The following ATXN7L1 variants were observed in gnomAD, a reference collection of about 807,000 sequenced individuals.
ATXN7L1 encodes ataxin-7-like protein 1.
Under a neutral mutation model 70.8 loss-of-function variants are expected in ATXN7L1, and 15 were observed. The observed-to-expected ratio is 0.21, with a 90% confidence interval of 0.14 to 0.33. ATXN7L1 has a LOEUF of 0.33. Ranked by LOEUF, ATXN7L1 falls within the 10% of genes least tolerant of loss-of-function variation. ATXN7L1 has a pLI of 1.00. For missense variants in ATXN7L1, 975 were observed against 1,097.1 expected, an observed-to-expected ratio of 0.89 and a Z score of 1.57; for synonymous variants, 440 against 445.1, an observed-to-expected ratio of 0.99 and a Z score of 0.14.
chr7:105,848,503 C>T (rs1278960013), intron 2 of ATXN7L1, among the ~76,000 whole-genome samples: 2 of 150,286 alleles, frequency 1.3e-5, no homozygotes, highest in East Asian at 3.9e-4. Flanking sequence ...TATCCAATGA[C>T]AGGGAATTAG....
intron 7 of ATXN7L1, among the ~76,000 whole-genome samples, chr7:105,627,535 CTT>C (rs75673147): frequency 6.0e-5 from 8 of 134,304 alleles, no homozygotes; most frequent in Non-Finnish European, 7.9e-5. Context: ...TGTGCTAGGC[CTT>C]TTTTTTTTTT....
At chr7:105,767,596 C>T (rs577792820) in intron 3 of ATXN7L1, among the ~76,000 whole-genome samples, 2 of 152,260 alleles carry the variant, frequency 1.3e-5, no homozygotes, top group African/African-American at 4.8e-5. Flanking sequence ...TGTTGCAGTC[C>T]TATTTACTTA....
rs1801793598 is a variant in ATXN7L1 at position 105,662,096 on chromosome 7, CTTTTCTTTTCTTTTT to C, written c.578+2955_578+2969del. ...CTTCCTTCCTTCTTTCTTTTCTTTTCTTTTCTTTTCTTTTTTTTTTTTTTAAGCCAGAGTCTTGCC... is the reference window on the plus strand; with the variant it reads ...CTTCCTTCCTTCTTTCTTTTCTTTTCTTTTTTTTTAAGCCAGAGTCTTGCC... On this transcript the variant is annotated intron_variant, in intron 4 of 11. Coordinates refer to ENST00000419735, the MANE Select transcript of ATXN7L1 (RefSeq NM_020725.2). 2.6e-5 allele frequency among the ~76,000 whole-genome samples: 3 copies of C among 114,970 alleles called. 1 individual carries two copies. Among genetic ancestry groups the C allele is most frequent in the African/African-American group, 9.7e-5 (3 of 31,050 alleles). The allele number at this position is 114,970 out of a possible 152,430, so 75.4% of individuals were successfully genotyped here. A position where few individuals can be genotyped will look rare whatever the true frequency, so the allele number is the denominator to read the frequency against.
chr7:105,706,814 C>G (rs1793237450), intron 3 of ATXN7L1, among the ~76,000 whole-genome samples: 1 of 152,236 alleles, frequency 6.6e-6, no homozygotes, highest in South Asian at 2.1e-4. Flanking sequence ...CAATTCCCAG[C>G]ATAGCCTGAC....
chr7:105,784,369 A>G (rs968176586), intron 3 of ATXN7L1, among the ~76,000 whole-genome samples: 3 of 152,134 alleles, frequency 2.0e-5, no homozygotes, highest in African/African-American at 7.2e-5. Flanking sequence ...TGGTATCAGA[A>G]ATGTTGAGTA....
chr7:105,824,921 C>CA (rs202077099), intron 2 of ATXN7L1, among the ~76,000 whole-genome samples: 8,619 of 95,200 alleles, frequency 0.091, 472 homozygotes, highest in East Asian at 0.32. Context: ...GATTCCGTCT[C>CA]AAAAAAAAAA....
chr7:105,792,298 G>C (rs868434612), intron 2 of ATXN7L1, among the ~76,000 whole-genome samples: 4 of 152,334 alleles, frequency 2.6e-5, no homozygotes, highest in African/African-American at 9.6e-5. Context: ...GAGAGGACCT[G>C]GGAATCTGCT....
rs951495139 is a variant in ATXN7L1 at position 105,631,572 on chromosome 7, T to G, written c.1202+6781A>C. On this transcript the variant is annotated intron_variant, in intron 7 of 11. Transcript: ENST00000419735. ...ATCTTTGCCTCCTGGGTTCAAGCAA[T>G]TCTCCTGCCTCAGCCTACTGAGTAG... Among the ~76,000 whole-genome samples, 4 of 152,332 alleles carry G rather than the reference T, an allele frequency of 2.6e-5. No individual in the cohort carries two copies. The East Asian group carries it at 7.7e-4, about 29-fold the overall frequency.
At chr7:105,702,561 CACAGACACACAT>C (rs1563019211) in intron 3 of ATXN7L1, among the ~76,000 whole-genome samples, 26 of 150,728 alleles carry the variant, frequency 1.7e-4, no homozygotes, top group African/African-American at 6.5e-4. Context: ...CACACACACA[CACAGACACACAT>C]ACACACACAC....
At chr7:105,817,154 C>G (rs769963047) in intron 2 of ATXN7L1, among the ~76,000 whole-genome samples, 4 of 152,128 alleles carry the variant, frequency 2.6e-5, no homozygotes, top group African/African-American at 7.2e-5. Context: ...TTTAGAGTCC[C>G]TAATGAGGGC....
At chr7:105,871,413 C>T (rs915922454) in intron 2 of ATXN7L1, among the ~76,000 whole-genome samples, 2 of 152,162 alleles carry the variant, frequency 1.3e-5, no homozygotes, top group Non-Finnish European at 2.9e-5. Flanking sequence ...GTGATGACAA[C>T]ATTCAAAAGT....
At chr7:105,870,281 CAAAAA>C (rs11324410) in intron 2 of ATXN7L1, among the ~76,000 whole-genome samples, 1 of 125,326 alleles carries the variant, frequency 8.0e-6, no homozygotes, top group Non-Finnish European at 1.7e-5. Context: ...GACTCCATTT[CAAAAA>C]AAAAAAAAAA....
chr7:105,784,159 C>T (rs1584995735), intron 3 of ATXN7L1, among the ~76,000 whole-genome samples: 3 of 152,158 alleles, frequency 2.0e-5, no homozygotes, highest in Admixed American at 6.6e-5. Flanking sequence ...GATGTGGTTT[C>T]ACCATGTTCC....
intron 2 of ATXN7L1, among the ~76,000 whole-genome samples, chr7:105,803,954 C>T (rs1458438985): frequency 6.6e-6 from 1 of 152,138 alleles, no homozygotes; most frequent in African/African-American, 2.4e-5. Flanking sequence ...GAACCCTCCA[C>T]AGGTAAGGGA....
intron 2 of ATXN7L1, among the ~76,000 whole-genome samples, chr7:105,789,281 C>T (rs1804777144): frequency 6.6e-6 from 1 of 152,162 alleles, no homozygotes; most frequent in Non-Finnish European, 1.5e-5. Context: ...TTACTGAGTG[C>T]CTGAATGTGC....
rs150834969 is a variant in ATXN7L1 at position 105,609,790 on chromosome 7, GA to G, written c.2547+738del. ...GTCCCTTTTTTACAATTTTTTTCTT[GA>G]GACACAGTCTCACTCTGTCACCCAG... On this transcript the variant is annotated intron_variant, in intron 11 of 11. Transcript: ENST00000419735. Among the ~76,000 whole-genome samples the G allele has an allele frequency of 5.8e-3, 867 of 150,600 alleles. 6 individuals carry two copies. The highest frequency in any genetic ancestry group is 0.019 in the African/African-American group (771 of 40,914).
intron 2 of ATXN7L1, among the ~76,000 whole-genome samples, chr7:105,791,105 G>C (rs1805163814): frequency 3.3e-5 from 5 of 152,244 alleles, no homozygotes; most frequent in Admixed American, 2.6e-4. Flanking sequence ...TCATAGGCAA[G>C]GGGTGAGGCC....
chr7:105,657,341 T>C (rs925463985), intron 4 of ATXN7L1, among the ~76,000 whole-genome samples: 14 of 151,838 alleles, frequency 9.2e-5, no homozygotes, highest in Non-Finnish European at 7.4e-5. Flanking sequence ...AACCAGAGGG[T>C]CCCACCCAGG....
chr7:105,660,936 C>T (rs1243172061), intron 4 of ATXN7L1, among the ~76,000 whole-genome samples: 2 of 152,132 alleles, frequency 1.3e-5, no homozygotes, highest in Non-Finnish European at 2.9e-5. Flanking sequence ...GTTAGGTACC[C>T]TTCTCCTTTG....
Sources: gnomAD v4.1 joint callset for allele counts (sites outside exome capture counted in the v4.1 genomes callset) on GRCh38, gnomAD v4.1.1 for gene constraint, MANE v1.5 for transcripts, NCBI Gene and HGNC (gene_info 2026-07-23, HGNC 2026-07-21) for gene names.